Variants in TMEM117 observed in about 807,000 individuals in gnomAD.
The protein encoded by TMEM117 is transmembrane protein 117.
Under a neutral mutation model 52.4 loss-of-function variants are expected in TMEM117, and 27 were observed. That is an observed-to-expected ratio of 0.51 (90% CI 0.38 to 0.71). The LOEUF (loss-of-function observed/expected upper bound fraction) is 0.71. TMEM117 is among the 30% of genes least tolerant of loss of function. The pLI is 0.00. For synonymous variants in TMEM117, 215 were observed against 206.3 expected (o/e 1.04, Z -0.36); for missense variants, 556 against 630.5 (o/e 0.88, Z 1.26).
intron 3 of TMEM117, among the ~76,000 whole-genome samples, chr12:44,116,242 C>G (rs1189692209): frequency 2.6e-5 from 4 of 152,172 alleles, no homozygotes; most frequent in Non-Finnish European, 5.9e-5. Context: ...TTACAATACT[C>G]TTCGAATGTG....
chr12:43,984,999 C>T (rs1484292914), intron 3 of TMEM117, among the ~76,000 whole-genome samples: 2 of 150,348 alleles, frequency 1.3e-5, no homozygotes, highest in African/African-American at 5.0e-5. Context: ...CAACTTCTCT[C>T]TTTGAGATTT....
chr12:44,327,677 CT>C (rs375760883), intron 6 of TMEM117, among the ~76,000 whole-genome samples: 13 of 151,670 alleles, frequency 8.6e-5, no homozygotes, highest in Non-Finnish European at 1.3e-4. Context: ...ACTTCCATGA[CT>C]TTTTTTTTCT....
the TMEM117 span, among the ~76,000 whole-genome samples, chr12:44,397,902 C>T: frequency 6.6e-6 from 1 of 152,074 alleles, no homozygotes; most frequent in Non-Finnish European, 1.5e-5. Context: ...GGAGGGAGGG[C>T]AAAACGTTAG....
chr12:43,942,498 C>T (rs971204454), intron 2 of TMEM117, among the ~76,000 whole-genome samples: 2 of 152,056 alleles, frequency 1.3e-5, no homozygotes, highest in East Asian at 1.9e-4. Context: ...TTTAGTAGAA[C>T]GTTTTCCACT....
intron 3 of TMEM117, among the ~76,000 whole-genome samples, chr12:44,014,289 A>C (rs889771813): frequency 6.6e-6 from 1 of 152,168 alleles, no homozygotes; most frequent in East Asian, 1.9e-4. Flanking sequence ...TGGTATGGAC[A>C]TGCTCCCTCA....
chr12:44,078,024 A>C (rs560240629), intron 3 of TMEM117, among the ~76,000 whole-genome samples: 2 of 152,302 alleles, frequency 1.3e-5, no homozygotes, highest in South Asian at 4.1e-4. Context: ...ACTCAAAAGA[A>C]ATGCAAAAAA....
chr12:44,139,932 A>C (rs1948547636), intron 3 of TMEM117, among the ~76,000 whole-genome samples: 1 of 152,182 alleles, frequency 6.6e-6, no homozygotes, highest in Non-Finnish European at 1.5e-5. Context: ...ATGGATATGC[A>C]AATGAATGAA....
At chr12:43,818,329 A>T in the TMEM117 span, among the ~76,000 whole-genome samples, 2 of 151,164 alleles carry the variant, frequency 1.3e-5, no homozygotes, top group Non-Finnish European at 2.9e-5. Flanking sequence ...ACTTTTAAAC[A>T]CCTTTTTTTC....
intron 5 of TMEM117, among the ~76,000 whole-genome samples, chr12:44,284,513 G>T (rs1565672838): frequency 6.6e-6 from 1 of 152,210 alleles, no homozygotes; most frequent in Non-Finnish European, 1.5e-5. Flanking sequence ...TAATTCAGTA[G>T]TAAGAAAAAT....
chr12:44,005,289 A>T (rs976010717), intron 3 of TMEM117, among the ~76,000 whole-genome samples: 5 of 152,266 alleles, frequency 3.3e-5, no homozygotes, highest in African/African-American at 1.2e-4. Flanking sequence ...ATTTAACGTG[A>T]AACGTCATTT....
the TMEM117 span, among the ~76,000 whole-genome samples, chr12:43,809,640 A>G: frequency 6.6e-6 from 1 of 152,194 alleles, no homozygotes; most frequent in Non-Finnish European, 1.5e-5. Context: ...AACAATCCAA[A>G]GTTGATTTCT....
rs559449184 is a variant in TMEM117, at chr12:44,312,003, C to A, written c.768+12264C>A. ...TTTACATGCCAGATGGGTTTCTGGG[C>A]AAGAGCCAGGGGAAGGAAAAGGTCA... On this transcript the variant is annotated intron_variant, in intron 6 of 7. Coordinates refer to ENST00000266534, the MANE Select transcript of TMEM117 (RefSeq NM_032256.3). 2.7e-5 allele frequency among the ~76,000 whole-genome samples: 4 copies of A among 150,718 alleles called. 1 individual carries two copies. Among genetic ancestry groups the A allele is most frequent in the African/African-American group, 9.7e-5 (4 of 41,046 alleles).
chr12:43,915,405 A>C lies in TMEM117; in HGVS notation c.278-28805A>C, dbSNP rs1330686218. Reference sequence around the variant, plus strand: ...CATCAGTCATAGTTCTTCTTGCCTCAAGGTTATTTTGTTTCTAGAGCTTCA... The same window carrying C: ...CATCAGTCATAGTTCTTCTTGCCTCCAGGTTATTTTGTTTCTAGAGCTTCA... On this transcript the variant is annotated intron_variant, in intron 2 of 7. Transcript: ENST00000266534. 1.1e-4 allele frequency among the ~76,000 whole-genome samples: 17 copies of C among 152,136 alleles called. No individual in the cohort carries two copies. In the East Asian group the frequency reaches 3.3e-3, roughly 29 times the overall value.
intron 4 of TMEM117, among the ~76,000 whole-genome samples, chr12:44,209,324 T>A (rs1468205213): frequency 2.6e-5 from 4 of 152,128 alleles, no homozygotes; most frequent in African/African-American, 9.6e-5. Flanking sequence ...CCTTACTCCT[T>A]TTGATAAGTA....
At position 43,921,843 on chromosome 12, in the gene TMEM117, T is replaced by G. The variant is rs1944699858; in HGVS notation, c.278-22367T>G. 2.0e-5 allele frequency among the ~76,000 whole-genome samples: 3 copies of G among 152,072 alleles called. No individual in the cohort carries two copies. In the South Asian group the frequency reaches 6.2e-4, roughly 32 times the overall value. On this transcript the variant is annotated intron_variant, in intron 2 of 7. Coordinates refer to ENST00000266534, the MANE Select transcript of TMEM117 (RefSeq NM_032256.3). ...TTCATTGAATAAATGCATTCCCCCA[T>G]TTGCTCAGCTGACATTCTTTCCATT...
intron 3 of TMEM117, among the ~76,000 whole-genome samples, chr12:44,026,087 T>G (rs1002801591): frequency 1.8e-4 from 28 of 152,342 alleles, no homozygotes; most frequent in African/African-American, 6.0e-4. Flanking sequence ...CTATAGCAGG[T>G]GACCCTGTTA....
intron 5 of TMEM117, among the ~76,000 whole-genome samples, chr12:44,277,951 A>T (rs1278943664): frequency 6.6e-6 from 1 of 151,654 alleles, no homozygotes; most frequent in Admixed American, 6.6e-5. Flanking sequence ...TTTAGTAGAG[A>T]TGGGGTTTCA....
rs74087913 is a variant in TMEM117 at position 44,017,959 on chromosome 12, C to G, written c.410+73617C>G. Among the ~76,000 whole-genome samples the G allele has an allele frequency of 9.4e-3, 1,433 of 152,118 alleles. 26 individuals are homozygous for G. Among genetic ancestry groups the G allele is most frequent in the African/African-American group, 0.033 (1,363 of 41,478 alleles). On this transcript the variant is annotated intron_variant, in intron 3 of 7. Transcript: ENST00000266534. ...ATCTGACAAGTCTAAGTACTTCTGTCTACATAAGTCACATACTAATTAGTA... is the reference window on the plus strand; with the variant it reads ...ATCTGACAAGTCTAAGTACTTCTGTGTACATAAGTCACATACTAATTAGTA...
chr12:43,868,214 T>C (rs1286032514), intron 2 of TMEM117, among the ~76,000 whole-genome samples: 3 of 136,400 alleles, frequency 2.2e-5, no homozygotes, highest in Non-Finnish European at 4.8e-5. Flanking sequence ...CCCCGCCAAT[T>C]CTCTTTCTCT....
Sources: allele counts gnomAD v4.1 joint callset (sites outside exome capture counted in the v4.1 genomes callset), GRCh38; gene constraint gnomAD v4.1.1; transcripts MANE v1.5; gene names NCBI Gene and HGNC (gene_info 2026-07-23, HGNC 2026-07-21).